The following PIERCE2 variants were observed in gnomAD, a reference collection of about 807,000 sequenced individuals.
PIERCE2 encodes piercer of microtubule wall 2 protein.
At chr15:55,415,950 A>T in the PIERCE2 span, among the ~76,000 whole-genome samples, 2 of 152,122 alleles carry the variant, frequency 1.3e-5, no homozygotes, top group Non-Finnish European at 2.9e-5. Context: ...ATCAGTACAC[A>T]TTTCAGTTCT....
the PIERCE2 span, among the ~76,000 whole-genome samples, chr15:55,417,237 C>G: frequency 2.5e-4 from 38 of 152,282 alleles, no homozygotes; most frequent in African/African-American, 9.1e-4. Context: ...ACCCCTGGCT[C>G]TCTATTCTGA....
At chr15:55,415,058 A>G in the PIERCE2 span, among the ~76,000 whole-genome samples, 9 of 152,200 alleles carry the variant, frequency 5.9e-5, no homozygotes, top group Admixed American at 1.3e-4. Flanking sequence ...TCTTACATCA[A>G]TGTAAGGTTG....
chr15:55,415,761 T>C, the PIERCE2 span, among the ~76,000 whole-genome samples: 1 of 152,178 alleles, frequency 6.6e-6, no homozygotes, highest in Admixed American at 6.6e-5. Context: ...GGTCGATCTT[T>C]AACTACCAGG....
At chr15:55,408,804 G>A in the PIERCE2 span, 1 of 1,512,440 alleles carries the variant, frequency 6.6e-7, no homozygotes, top group South Asian at 1.2e-5. Context: ...TAGGCAGAGG[G>A]CTAGATGTTT....
At chr15:55,409,914 C>T in the PIERCE2 span, among the ~76,000 whole-genome samples, 6 of 152,070 alleles carry the variant, frequency 3.9e-5, no homozygotes, top group African/African-American at 1.4e-4. Flanking sequence ...TTTAATTAAC[C>T]TTTTTATCAT....
the PIERCE2 span, among the ~76,000 whole-genome samples, chr15:55,412,125 C>T: frequency 6.7e-6 from 1 of 149,154 alleles, no homozygotes; most frequent in Non-Finnish European, 1.5e-5. Flanking sequence ...AAAATTGATC[C>T]CATTCATATA....
chr15:55,418,721 CAGTGA>C, the PIERCE2 span: 3 of 555,786 alleles, frequency 5.4e-6, no homozygotes, highest in South Asian at 6.4e-5. Context: ...AACTACATGA[CAGTGA>C]CTTTTTAAAT....
the PIERCE2 span, chr15:55,418,330 A>AG: frequency 1.9e-6 from 3 of 1,543,350 alleles, no homozygotes; most frequent in East Asian, 4.9e-5. Flanking sequence ...TGTTGGATCC[A>AG]AAGACACTCC....
the PIERCE2 span, among the ~76,000 whole-genome samples, chr15:55,417,008 C>T: frequency 6.7e-6 from 1 of 148,984 alleles, no homozygotes; most frequent in Non-Finnish European, 1.5e-5. Flanking sequence ...TTTGCTCCAT[C>T]TCCATGCTAC....
chr15:55,408,537 T>C, the PIERCE2 span: 5 of 377,038 alleles, frequency 1.3e-5, no homozygotes, highest in East Asian at 1.9e-4. Flanking sequence ...TTCCAGTTGC[T>C]ATGGTTACGA....
the PIERCE2 span, among the ~76,000 whole-genome samples, chr15:55,413,304 G>C: frequency 6.6e-6 from 1 of 151,784 alleles, no homozygotes; most frequent in East Asian, 1.9e-4. Flanking sequence ...AGCTGGGTAT[G>C]GTGGTGTGCA....
the PIERCE2 span, among the ~76,000 whole-genome samples, chr15:55,412,438 A>G: frequency 6.6e-6 from 1 of 152,202 alleles, no homozygotes; most frequent in East Asian, 1.9e-4. Context: ...GAGATCTGAG[A>G]GGTCAAATAA....
the PIERCE2 span, among the ~76,000 whole-genome samples, chr15:55,414,089 G>C: frequency 6.6e-6 from 1 of 151,762 alleles, no homozygotes; most frequent in African/African-American, 2.4e-5. Flanking sequence ...AGTAGAGACA[G>C]GGTTTCACCG....
the PIERCE2 span, chr15:55,408,839 A>T: frequency 7.3e-7 from 1 of 1,370,646 alleles, no homozygotes; most frequent in Non-Finnish European, 9.9e-7. Context: ...TCGCTAGTAT[A>T]ATTTGAGGCA....
At chr15:55,410,362 G>A in the PIERCE2 span, among the ~76,000 whole-genome samples, 21 of 152,284 alleles carry the variant, frequency 1.4e-4, no homozygotes, top group African/African-American at 4.6e-4. Context: ...TCAGCTGGGC[G>A]CGGTGGCTCA....
At chr15:55,411,790 G>A in the PIERCE2 span, among the ~76,000 whole-genome samples, 1 of 152,088 alleles carries the variant, frequency 6.6e-6, no homozygotes, top group African/African-American at 2.4e-5. Context: ...GCATGGTGGT[G>A]CATGCCTGTA....
At chr15:55,417,516 C>T in the PIERCE2 span, among the ~76,000 whole-genome samples, 1 of 152,106 alleles carries the variant, frequency 6.6e-6, no homozygotes, top group Non-Finnish European at 1.5e-5. Flanking sequence ...CCCAGGCTAA[C>T]CCTGGATGTT....
the PIERCE2 span, among the ~76,000 whole-genome samples, chr15:55,413,556 T>C: frequency 0.17 from 25,337 of 151,924 alleles, 3,985 homozygotes; most frequent in African/African-American, 0.42. Flanking sequence ...GTCGGGAGTT[T>C]GAGACCAGCC....
chr15:55,413,329 C>G, the PIERCE2 span, among the ~76,000 whole-genome samples: 1 of 151,662 alleles, frequency 6.6e-6, no homozygotes, highest in Non-Finnish European at 1.5e-5. Flanking sequence ...GTCCTAGCTA[C>G]TTGGGAGGGT....
Sources: gnomAD v4.1 joint callset for allele counts (sites outside exome capture counted in the v4.1 genomes callset) on GRCh38, gnomAD v4.1.1 for gene constraint, MANE v1.5 for transcripts, NCBI Gene and HGNC (gene_info 2026-07-23, HGNC 2026-07-21) for gene names.